Variants in ANKEF1 observed in about 807,000 individuals in gnomAD.
ANKEF1 encodes ankyrin repeat and EF-hand domain-containing protein 1.
ANKEF1 carries 43 observed loss-of-function variants against 65.1 expected under a neutral mutation model. The observed-to-expected ratio is 0.66, with a 90% CI of 0.52 to 0.85. The LOEUF (loss-of-function observed/expected upper bound fraction) is 0.85, where lower values mean the gene tolerates loss of function less well. ANKEF1 is among the 40% of genes least tolerant of loss of function. ANKEF1 has a pLI of 0.00. For synonymous variants in ANKEF1, 316 were observed against 341.5 expected (o/e 0.93, Z 0.82); for missense variants, 934 against 952.9 (o/e 0.98, Z 0.26).
intron 2 of ANKEF1, among the ~76,000 whole-genome samples, chr20:10,037,168 G>A (rs1051078829): frequency 6.6e-6 from 1 of 152,168 alleles, no homozygotes; most frequent in Non-Finnish European, 1.5e-5. Context: ...TGGAAACTTA[G>A]CTAACTAGCT....
chr20:10,046,870 C>G (rs889227255), intron 6 of ANKEF1, among the ~76,000 whole-genome samples: 1 of 152,070 alleles, frequency 6.6e-6, no homozygotes, highest in East Asian at 1.9e-4. Flanking sequence ...TAATAACATC[C>G]ATTTTTACTT....
At position 10,044,403 on chromosome 20, in the gene ANKEF1, C is replaced by A. The variant is rs139757926; in HGVS notation, c.556C>A (p.Arg186Ser). Residue 186 changes from arginine (R) to serine (S), a missense_variant, in exon 5 of 11, where the codon CGC (arginine) becomes AGC (serine). By Grantham distance (110) the Arg-to-Ser change is moderately radical. Coordinates refer to ENST00000378392, the MANE Select transcript of ANKEF1 (RefSeq NM_022096.6). The stretch of plus-strand genomic sequence containing the variant: ...ACTATTTCATGTCCAGTCCACAGGC[C>A]GCACAGCTTTAATGGAAGCGTCAAG... ...NPNAINSSTG[R>S]TALMEASREG... The A allele has an allele frequency of 2.5e-6, 4 of 1,613,884 alleles. No individual in the cohort carries two copies. The South Asian group carries it at 4.4e-5, about 18-fold the overall frequency.
At chr20:10,039,583 A>G (rs1984054084) in intron 3 of ANKEF1, among the ~76,000 whole-genome samples, 1 of 152,234 alleles carries the variant, frequency 6.6e-6, no homozygotes. Flanking sequence ...TGTACCACGT[A>G]AGAAAATAAA....
Position 10,041,890 on chromosome 20 carries a change from C to T in ANKEF1, c.347-1232C>T, listed in dbSNP as rs58206923. Among the ~76,000 whole-genome samples, 45 of 152,272 alleles carry T rather than the reference C, an allele frequency of 3.0e-4. No individual in the cohort carries two copies. In the East Asian group the frequency reaches 7.5e-3, roughly 25 times the overall value. ...GATTACTTATATCCTTAAGACTATACATGTCTGTTGTTTTTACATGAACAA... is the reference window on the plus strand; with the variant it reads ...GATTACTTATATCCTTAAGACTATATATGTCTGTTGTTTTTACATGAACAA... On this transcript the variant is annotated intron_variant, in intron 3 of 10. Coordinates refer to ENST00000378392, the MANE Select transcript of ANKEF1 (RefSeq NM_022096.6).
At position 10,051,725 on chromosome 20, in the gene ANKEF1, G is replaced by A. The variant is rs1031683844; in HGVS notation, c.1706G>A (p.Gly569Asp). Residue 569 changes from glycine to aspartate, a missense_variant, in exon 8 of 11, where the codon GGC becomes GAC. Gly to Asp is a moderately conservative substitution (Grantham distance 94). Transcript: ENST00000378392. ...CCACTTCATTTTGCATGCCATGCAG[G>A]CCAACAAGACATTGTTGAGCTTCTT... ...WTPLHFACHA[G>D]QQDIVELLVE... 2 of 1,613,624 alleles carry A rather than the reference G, an allele frequency of 1.2e-6. No individual in the cohort carries two copies. The highest frequency in any genetic ancestry group is 2.7e-5 in the African/African-American group (2 of 74,896).
At chr20:10,046,937 G>C (rs1012372756) in intron 6 of ANKEF1, among the ~76,000 whole-genome samples, 1 of 152,092 alleles carries the variant, frequency 6.6e-6, no homozygotes, top group Non-Finnish European at 1.5e-5. Flanking sequence ...TAGCAAATGA[G>C]AAAAAAATAT....
intron 8 of ANKEF1, 28 bp from the exon 9 acceptor site, chr20:10,053,084 C>T (rs1217015067): frequency 1.9e-6 from 3 of 1,555,096 alleles, no homozygotes; most frequent in Non-Finnish European, 2.6e-6. Context: ...TTTATAGTCA[C>T]TCTGAATTTA....
At chr20:10,045,411 A>C (rs1284896886) in intron 5 of ANKEF1, among the ~76,000 whole-genome samples, 163 bp from the exon 6 acceptor site, 1 of 152,250 alleles carries the variant, frequency 6.6e-6, no homozygotes, top group Non-Finnish European at 1.5e-5. Context: ...GAAACAAACA[A>C]ATGAAACTTA....
chr20:10,051,794 C>T lies in ANKEF1; in HGVS notation c.1775C>T (p.Ser592Leu), dbSNP rs1446410263. 6.2e-7 allele frequency: 1 copy of T among 1,613,604 alleles called. No homozygotes were observed. Among genetic ancestry groups the T allele is most frequent in the Non-Finnish European group, 8.5e-7 (1 of 1,179,858 alleles). The change falls in exon 8 of 11, where the codon TCA becomes TTA. Residue 592 changes from serine (S) to leucine (L), a missense_variant. By Grantham distance (145) the Ser-to-Leu change is moderately radical. Coordinates refer to ENST00000378392, the MANE Select transcript of ANKEF1 (RefSeq NM_022096.6). ...ATAGATGCAGCTTCAATCAACAACT[C>T]AACTCCTTTAAATAGAGCCATTGAA... is the stretch of plus-strand genomic sequence containing the variant. The part of the protein sequence containing the change: ...ALIDAASINN[S>L]TPLNRAIESC...
chr20:10,052,230 G>T (rs1170064023), intron 8 of ANKEF1, among the ~76,000 whole-genome samples: 3 of 152,048 alleles, frequency 2.0e-5, no homozygotes, highest in Admixed American at 2.0e-4. Flanking sequence ...ATATTAAGTT[G>T]CTAAAAACAT....
rs1340882878 is a variant in ANKEF1 at position 10,035,205 on chromosome 20, C to T, written c.-237C>T. 6.6e-6 allele frequency: 1 copy of T among 152,468 alleles called. No homozygotes were observed. The allele number at this position is 152,468 out of a possible 1,614,324, so 9.4% of individuals were successfully genotyped here. A position where few individuals can be genotyped will look rare whatever the true frequency, so the allele number is the denominator to read the frequency against. ...GGCGCCTCCGCCGGGCTCCGGGAGC[C>T]CAAGGTCGCGGCTGGGCCAGCGCTG... On this transcript the variant is annotated 5_prime_UTR_variant, in exon 1 of 11. Coordinates refer to ENST00000378392, the MANE Select transcript of ANKEF1 (RefSeq NM_022096.6).
intron 3 of ANKEF1, 73 bp downstream of exon 3, chr20:10,038,720 T>A (rs757413606): frequency 2.4e-5 from 29 of 1,211,176 alleles, no homozygotes; most frequent in Non-Finnish European, 2.9e-5. Flanking sequence ...ATGGACTCTT[T>A]TTGTTTTCCA....
At chr20:10,039,806 C>G (rs1310732269) in intron 3 of ANKEF1, among the ~76,000 whole-genome samples, 6 of 151,966 alleles carry the variant, frequency 3.9e-5, no homozygotes, top group Non-Finnish European at 8.8e-5. Context: ...ATTGTTGGCT[C>G]AAAAATGGTG....
At chr20:10,040,716 A>T (rs1441360453) in intron 3 of ANKEF1, 2 of 152,204 alleles carry the variant, frequency 1.3e-5, no homozygotes, top group Non-Finnish European at 2.9e-5. Flanking sequence ...AGGAATGCTG[A>T]TTCGTGTTCT....
At chr20:10,050,318 A>C in intron 7 of ANKEF1, 106 bp downstream of exon 7, 1 of 851,630 alleles carries the variant, frequency 1.2e-6, no homozygotes, top group Non-Finnish European at 1.8e-6. Context: ...CTACTTTATT[A>C]AAGTCTATAA....
intron 6 of ANKEF1, among the ~76,000 whole-genome samples, chr20:10,048,774 C>A (rs942881429): frequency 6.6e-6 from 1 of 152,112 alleles, no homozygotes; most frequent in Non-Finnish European, 1.5e-5. Flanking sequence ...ATTTTAATGT[C>A]TAACTTGCAC....
Position 10,050,175 on chromosome 20 carries a change from GGAA to G in ANKEF1, c.1607_1609del (p.Gly536_Asn537delinsAsp). On this transcript the variant is annotated inframe_deletion, in exon 7 of 11. Transcript: ENST00000378392. ...TCCGCTAATGACGGCGTGTGCAAGT[GGAA>G]ACATAGATGTGGTCAAGTTTCTTCT... The G allele has an allele frequency of 1.2e-6, 2 of 1,613,772 alleles. No homozygotes were observed. The highest frequency in any genetic ancestry group is 1.7e-6 in the Non-Finnish European group (2 of 1,179,832).
chr20:10,050,133 G>A lies in ANKEF1; in HGVS notation c.1564G>A (p.Asp522Asn). The change falls in exon 7 of 11, where the codon GAT (aspartate) becomes AAT (asparagine). Residue 522 changes from aspartate (D) to asparagine (N), a missense_variant. By Grantham distance (23) the Asp-to-Asn change is conservative. Transcript: ENST00000378392. Reference protein sequence around the residue: ...FESGIPVDMKDNYYKTPLMTA... With the variant: ...FESGIPVDMKNNYYKTPLMTA... ...ATCAGGAATACCTGTGGATATGAAG[G>A]ATAATTATTACAAAACTCCGCTAAT... is the stretch of plus-strand genomic sequence containing the variant. 2.5e-6 allele frequency: 4 copies of A among 1,614,116 alleles called. No homozygotes were observed. Among genetic ancestry groups the A allele is most frequent in the Non-Finnish European group, 3.4e-6 (4 of 1,180,000 alleles).
chr20:10,051,960 A>G (rs1366430947), intron 8 of ANKEF1, 71 bp downstream of exon 8: 2 of 1,197,966 alleles, frequency 1.7e-6, no homozygotes, highest in Non-Finnish European at 2.3e-6. Context: ...GCCCCTTCTG[A>G]TTCTATTCTC....
Sources: gnomAD v4.1 joint callset for allele counts (sites outside exome capture counted in the v4.1 genomes callset) on GRCh38, gnomAD v4.1.1 for gene constraint, MANE v1.5 for transcripts, NCBI Gene and HGNC (gene_info 2026-07-23, HGNC 2026-07-21) for gene names.